The following ITGB2 variants were observed in gnomAD, a reference collection of about 807,000 sequenced individuals.
ITGB2 encodes integrin beta-2.
A neutral mutation model predicts 86.8 loss-of-function variants in ITGB2; 56 were observed. That is an observed-to-expected ratio of 0.65 (90% CI 0.52 to 0.81). The LOEUF is 0.81. Among genes scored for constraint, ITGB2 ranks in the 30% least tolerant of loss-of-function variants. The probability of loss-of-function intolerance (pLI) is 0.00; values close to 1 mark genes in which losing one functional copy is unlikely to be tolerated. For missense variants in ITGB2, 948 were observed against 1,061.2 expected, an observed-to-expected ratio of 0.89 and a Z score of 1.48; for synonymous variants, 457 against 450.4, an observed-to-expected ratio of 1.01 and a Z score of -0.19.
At chr21:44,925,391 G>A (rs1312577320), upstream of ITGB2, among the ~76,000 whole-genome samples, 1 of 139,286 alleles carries the variant, frequency 7.2e-6, no homozygotes, top group African/African-American at 2.6e-5. Flanking sequence ...CTGTCAGAAA[G>A]AAAGAAAGGA....
intron 1 of ITGB2, among the ~76,000 whole-genome samples, chr21:44,911,993 A>G (rs1008889501): frequency 6.6e-6 from 1 of 152,186 alleles, no homozygotes; most frequent in Admixed American, 6.5e-5. Context: ...ATCTGGCACC[A>G]AGAAGGTGGA....
At chr21:44,886,475 C>T in intron 15 of ITGB2, 45 bp from the exon 16 acceptor site, 1 of 1,593,234 alleles carries the variant, frequency 6.3e-7, no homozygotes, top group Non-Finnish European at 8.6e-7. Context: ...GGGAGGTTTT[C>T]AGAGCAGAAT....
intron 5 of ITGB2, among the ~76,000 whole-genome samples, chr21:44,902,681 G>A (rs537666539): frequency 1.3e-4 from 19 of 151,264 alleles, no homozygotes; most frequent in African/African-American, 2.2e-4. Flanking sequence ...GTGCATTTGC[G>A]TTTGAGCATG....
chr21:44,910,953 C>T (rs537231233), intron 1 of ITGB2, 168 bp from the exon 2 acceptor site: 127 of 661,858 alleles, frequency 1.9e-4, no homozygotes, highest in Non-Finnish European at 2.9e-4. Flanking sequence ...CAGCTGCCAA[C>T]AGCCAGGGAG....
At chr21:44,894,747 C>G (rs1158640929) in intron 9 of ITGB2, 10 of 596,756 alleles carry the variant, frequency 1.7e-5, no homozygotes, top group Non-Finnish European at 3.0e-5. Flanking sequence ...TTTCAGGGAG[C>G]ATCGCCCACA....
chr21:44,890,400 C>T (rs2083770088), intron 11 of ITGB2, among the ~76,000 whole-genome samples, 178 bp from the exon 12 acceptor site: 1 of 152,248 alleles, frequency 6.6e-6, no homozygotes, highest in African/African-American at 2.4e-5. Context: ...CGTGCAGGGG[C>T]CCCGCGTTCC....
intron 1 of ITGB2, among the ~76,000 whole-genome samples, chr21:44,916,777 A>G (rs1355689749): frequency 6.6e-6 from 1 of 151,616 alleles, no homozygotes; most frequent in Non-Finnish European, 1.5e-5. Flanking sequence ...CTGAGGCAGG[A>G]GAATCACTTG....
At chr21:44,923,925 C>T (rs1431025504), upstream of ITGB2, among the ~76,000 whole-genome samples, 5 of 152,014 alleles carry the variant, frequency 3.3e-5, no homozygotes, top group African/African-American at 9.7e-5. Flanking sequence ...ACGAAGATAT[C>T]GTGTAACATC....
chr21:44,890,205 A>G lies in ITGB2; in HGVS notation c.1430T>C (p.Ile477Thr), dbSNP rs376491409. 1.4e-5 allele frequency: 23 copies of G among 1,612,920 alleles called. No individual in the cohort carries two copies. The highest frequency in any genetic ancestry group is 1.6e-4 in the Middle Eastern group (1 of 6,084). The part of the protein sequence containing the change: ...CGICRCDTGY[I>T]GKNCECQTQG... Reference sequence around the variant, plus strand: ...TGTCTGGCACTCACAGTTTTTCCCAATGTAGCCAGTGTCACACCTGGGGAC... The same window carrying G: ...TGTCTGGCACTCACAGTTTTTCCCAGTGTAGCCAGTGTCACACCTGGGGAC... Residue 477 changes from isoleucine (I) to threonine (T), a missense_variant, in exon 12 of 16, where the codon ATT (isoleucine) becomes ACT (threonine). Coordinates refer to ENST00000652462, the MANE Select transcript of ITGB2 (RefSeq NM_000211.5).
At chr21:44,898,187 C>T (rs574267576) in intron 8 of ITGB2, among the ~76,000 whole-genome samples, 4 of 152,260 alleles carry the variant, frequency 2.6e-5, no homozygotes, top group South Asian at 2.1e-4. Context: ...TCAGCCGCGC[C>T]GCTGTGACTG....
At chr21:44,897,497 T>C (rs2083887058) in intron 8 of ITGB2, among the ~76,000 whole-genome samples, 1 of 152,182 alleles carries the variant, frequency 6.6e-6, no homozygotes. Context: ...ATGAGGATAA[T>C]CGGGCCCTTT....
chr21:44,924,189 G>A (rs954114531), upstream of ITGB2, among the ~76,000 whole-genome samples: 6 of 152,006 alleles, frequency 3.9e-5, no homozygotes, highest in Admixed American at 1.3e-4. Context: ...CAGCACTTTG[G>A]GAGGCTGATG....
chr21:44,891,695 T>C, intron 11 of ITGB2, 114 bp downstream of exon 11: 1 of 1,233,892 alleles, frequency 8.1e-7, no homozygotes, highest in Non-Finnish European at 1.1e-6. Flanking sequence ...CCAGGATGCC[T>C]GCTCCGTGGG....
chr21:44,908,188 G>A (rs2084073469), intron 3 of ITGB2: 3 of 714,464 alleles, frequency 4.2e-6, no homozygotes, highest in Non-Finnish European at 7.9e-6. Flanking sequence ...GCTCCCTGTG[G>A]GACGCAAAAT....
chr21:44,889,541 C>G, intron 12 of ITGB2, 46 bp from the exon 13 acceptor site: 1 of 1,505,826 alleles, frequency 6.6e-7, no homozygotes, highest in Non-Finnish European at 9.0e-7. Flanking sequence ...GGCCTGGGAA[C>G]CGAGACCCGC....
chr21:44,886,641 C>T, intron 15 of ITGB2, 95 bp downstream of exon 15: 2 of 1,557,596 alleles, frequency 1.3e-6, no homozygotes, highest in South Asian at 1.1e-5. Flanking sequence ...GGGGTGCAGC[C>T]ACACACGGGT....
chr21:44,901,789 C>A (rs914501342), intron 5 of ITGB2, 56 bp from the exon 6 acceptor site: 2 of 1,571,068 alleles, frequency 1.3e-6, no homozygotes, highest in African/African-American at 2.7e-5. Flanking sequence ...GGTGGGAGGG[C>A]CAGCTTCAAA....
At chr21:44,891,704 G>T in intron 11 of ITGB2, 105 bp downstream of exon 11, 4 of 1,308,090 alleles carry the variant, frequency 3.1e-6, no homozygotes, top group Non-Finnish European at 3.2e-6. Context: ...CTGCTCCGTG[G>T]GGTGGGGGAA....
At chr21:44,918,994 A>C in intron 1 of ITGB2, among the ~76,000 whole-genome samples, 1 of 151,960 alleles carries the variant, frequency 6.6e-6, no homozygotes, top group African/African-American at 2.4e-5. Flanking sequence ...CTCGGAGCTG[A>C]GCATTCCCCT....
Sources: gnomAD v4.1 joint callset for allele counts (sites outside exome capture counted in the v4.1 genomes callset) on GRCh38, gnomAD v4.1.1 for gene constraint, MANE v1.5 for transcripts, NCBI Gene and HGNC (gene_info 2026-07-23, HGNC 2026-07-21) for gene names.